MTO1: variants seen among roughly 807,000 people sequenced by gnomAD.
MTO1 encodes the protein mitochondrial tRNA translation optimization 1.
Under a neutral mutation model 71.6 loss-of-function variants are expected in MTO1, and 46 were observed. That is an observed-to-expected ratio of 0.64 (90% CI 0.51 to 0.82). The LOEUF (loss-of-function observed/expected upper bound fraction) is 0.82, where lower values mean the gene tolerates loss of function less well. Among genes scored for constraint, MTO1 ranks in the 40% least tolerant of loss-of-function variants. The pLI is 0.00. For synonymous variants in MTO1, 297 were observed against 312.1 expected (o/e 0.95, Z 0.51); for missense variants, 773 against 867.5 (o/e 0.89, Z 1.37).
rs369081569 is a variant in MTO1 at position 73,461,978 on chromosome 6, A to G, written c.124A>G (p.Ile42Val). Residue 42 changes from isoleucine to valine, a missense_variant, in exon 1 of 12, where the codon ATT becomes GTT. Ile to Val is a conservative substitution (Grantham distance 29, BLOSUM62 3). Transcript: ENST00000498286. ...PRTPHFDVIV[I>V]GGGHAGTEAA... ...GACTCCGCACTTCGACGTGATAGTC[A>G]TTGGTGGAGGACATGCCGGGACTGA... is the stretch of plus-strand genomic sequence containing the variant. 4 of 1,614,080 alleles carry G rather than the reference A, an allele frequency of 2.5e-6. No homozygotes were observed. The highest frequency in any genetic ancestry group is 1.3e-5 in the African/African-American group (1 of 74,942).
At chr6:73,469,178 A>AT (rs1771077833) in intron 3 of MTO1, among the ~76,000 whole-genome samples, 2 of 151,708 alleles carry the variant, frequency 1.3e-5, no homozygotes, top group African/African-American at 4.8e-5. Flanking sequence ...CTTATTTTCA[A>AT]TTTTTTTGGA....
At chr6:73,484,264 G>T (rs2150038495) in intron 9 of MTO1, among the ~76,000 whole-genome samples, 1 of 152,268 alleles carries the variant, frequency 6.6e-6, no homozygotes, top group South Asian at 2.1e-4. Flanking sequence ...CATTCAGACT[G>T]CTATAACAAA....
At chr6:73,481,274 A>T (rs1771485672) in intron 7 of MTO1, among the ~76,000 whole-genome samples, 1 of 152,090 alleles carries the variant, frequency 6.6e-6, no homozygotes, top group Non-Finnish European at 1.5e-5. Flanking sequence ...TTATTAAAAC[A>T]CTATGGCTTT....
In MTO1 at chr6:73,482,035, T is replaced by C. The variant is rs1275100093; in HGVS notation, c.1261-5T>C. The C allele has an allele frequency of 1.2e-6, 2 of 1,614,140 alleles. No homozygotes were observed. Among genetic ancestry groups the C allele is most frequent in the Non-Finnish European group, 1.7e-6 (2 of 1,180,016 alleles). On this transcript the variant is annotated splice_region_variant and splice_polypyrimidine_tract_variant and intron_variant, in intron 7 of 11. Coordinates refer to ENST00000498286, the MANE Select transcript of MTO1 (RefSeq NM_012123.4). The stretch of plus-strand genomic sequence containing the variant: ...GGCCTTTTAAACATTTCAGTGCTCT[T>C]GTAGGGTGTGATAGCCGGAATCAAC...
intron 1 of MTO1, chr6:73,462,272 T>C (rs920681475): frequency 2.9e-5 from 18 of 610,376 alleles, no homozygotes; most frequent in Non-Finnish European, 4.9e-5. Context: ...CTGCGAACCA[T>C]AGATTATGCT....
Position 73,473,393 on chromosome 6 carries a change from T to C in MTO1, c.564T>C (p.Ser188=). 1 of 1,613,928 alleles carries C rather than the reference T, an allele frequency of 6.2e-7. No individual in the cohort carries two copies. Among genetic ancestry groups the C allele is most frequent in the Admixed American group, 1.7e-5 (1 of 59,964 alleles). Residue 188 remains serine, a synonymous_variant, in exon 4 of 12, where the codon AGT becomes AGC. Coordinates refer to ENST00000498286, the MANE Select transcript of MTO1 (RefSeq NM_012123.4). The stretch of plus-strand genomic sequence containing the variant: ...ATGGAAGCACAGTATATGCAGAGAG[T>C]GTGATTCTGACTACTGGGACATTTC... ...LVDGSTVYAE[S]VILTTGTFLR... is the part of the protein sequence containing the mutation.
In MTO1 at chr6:73,473,476, A is replaced by C. The variant is rs1311006112; in HGVS notation, c.647A>C (p.Gln216Pro). ...CATCCAGCAGGACGTTTAGGGGATC[A>C]GCCTTCTATAGGATTGGCTCAGACA... Reference protein sequence around the residue: ...ETHPAGRLGDQPSIGLAQTLE... With the variant: ...ETHPAGRLGDPPSIGLAQTLE... The change falls in exon 4 of 12, where the codon CAG becomes CCG. Residue 216 changes from glutamine to proline, a missense_variant. By Grantham distance (76) the Gln-to-Pro change is moderately conservative. Coordinates refer to ENST00000498286, the MANE Select transcript of MTO1 (RefSeq NM_012123.4). 1.2e-6 allele frequency: 2 copies of C among 1,614,172 alleles called. No individual in the cohort carries two copies. Among genetic ancestry groups the C allele is most frequent in the East Asian group, 4.5e-5 (2 of 44,880 alleles).
intron 3 of MTO1, 70 bp downstream of exon 3, chr6:73,466,676 C>A: frequency 1.5e-6 from 2 of 1,372,466 alleles, no homozygotes; most frequent in Non-Finnish European, 2.1e-6. Flanking sequence ...TATTTTAGAG[C>A]AAAGTGTGGA....
At chr6:73,468,224 T>C (rs12524204) in intron 3 of MTO1, among the ~76,000 whole-genome samples, 29,058 of 151,618 alleles carry the variant, frequency 0.19, 2,836 homozygotes, top group Middle Eastern at 0.22. Flanking sequence ...TTCAAGCAAT[T>C]CTCCTGCCTC....
chr6:73,473,285 T>C (rs1401072522), intron 3 of MTO1, 80 bp from the exon 4 acceptor site: 4 of 1,349,930 alleles, frequency 3.0e-6, no homozygotes, highest in African/African-American at 3.0e-5. Context: ...CTCAGATAGA[T>C]AGATAGATAG....
intron 10 of MTO1, among the ~76,000 whole-genome samples, chr6:73,493,913 G>C (rs1771907977): frequency 6.6e-6 from 1 of 151,816 alleles, no homozygotes; most frequent in Non-Finnish European, 1.5e-5. Context: ...ATTTTTTTAA[G>C]TTTTTCATAA....
chr6:73,461,998 G>A lies in MTO1; in HGVS notation c.144G>A (p.Gly48=). Residue 48 remains glycine, a synonymous_variant, in exon 1 of 12, where the codon GGG becomes GGA. Coordinates refer to ENST00000498286, the MANE Select transcript of MTO1 (RefSeq NM_012123.4). ...TAGTCATTGGTGGAGGACATGCCGG[G>A]ACTGAGGCAGCCACCGCCGCCGCTC... is the stretch of plus-strand genomic sequence containing the variant. ...DVIVIGGGHA[G]TEAATAAARC... 2 of 1,613,948 alleles carry A rather than the reference G, an allele frequency of 1.2e-6. No individual in the cohort carries two copies. The highest frequency in any genetic ancestry group is 1.7e-6 in the Non-Finnish European group (2 of 1,179,964).
chr6:73,478,235 ACT>A (rs1203007454), intron 4 of MTO1, among the ~76,000 whole-genome samples: 1 of 145,436 alleles, frequency 6.9e-6, no homozygotes, highest in East Asian at 2.1e-4. Context: ...ACAGAGCAAG[ACT>A]CTGTCTCAAA....
chr6:73,466,570 CA>C lies in MTO1; in HGVS notation c.500del (p.His167ProfsTer23). ...DLILTEPEPEHTGKCRVSGVV... is the reference protein window; with the variant it reads ...DLILTEPEPEXTGKCRVSGVV... Reference sequence around the variant, plus strand: ...TATTCTTACAGAACCAGAGCCTGAACACACTGGGAAATGCCGTGTCAGTGGG... The same window carrying C: ...TATTCTTACAGAACCAGAGCCTGAACCACTGGGAAATGCCGTGTCAGTGGG... On this transcript the variant is annotated frameshift_variant, in exon 3 of 12. Coordinates refer to ENST00000498286, the MANE Select transcript of MTO1 (RefSeq NM_012123.4). LOFTEE classifies it high-confidence loss of function. 6.2e-7 allele frequency: 1 copy of C among 1,614,108 alleles called. No homozygotes were observed. Among genetic ancestry groups the C allele is most frequent in the Non-Finnish European group, 8.5e-7 (1 of 1,180,024 alleles).
intron 3 of MTO1, among the ~76,000 whole-genome samples, chr6:73,467,402 G>A (rs916370410): frequency 6.6e-6 from 1 of 152,142 alleles, no homozygotes; most frequent in South Asian, 2.1e-4. Context: ...ATCACCTGAG[G>A]TTGGGAGTTC....
intron 4 of MTO1, among the ~76,000 whole-genome samples, chr6:73,477,027 A>T (rs928325175): frequency 2.0e-5 from 3 of 151,698 alleles, no homozygotes; most frequent in Non-Finnish European, 4.4e-5. Context: ...TTCTTAAATG[A>T]TCTGCCCGCC....
At chr6:73,477,740 G>A (rs1771367489) in intron 4 of MTO1, among the ~76,000 whole-genome samples, 1 of 151,860 alleles carries the variant, frequency 6.6e-6, no homozygotes, top group Non-Finnish European at 1.5e-5. Flanking sequence ...CTCATGGACT[G>A]AAGGGATCTG....
intron 9 of MTO1, chr6:73,486,641 G>A (rs574322430): frequency 2.3e-6 from 1 of 428,256 alleles, no homozygotes; most frequent in African/African-American, 2.0e-5. Flanking sequence ...GGGAGGCAGA[G>A]GCAGGAGAAT....
intron 9 of MTO1, among the ~76,000 whole-genome samples, chr6:73,489,883 A>G (rs1771755972): frequency 6.6e-6 from 1 of 152,194 alleles, no homozygotes; most frequent in Non-Finnish European, 1.5e-5. Flanking sequence ...CACAATGGTT[A>G]AACTAGTTTA....
Sources: gnomAD v4.1 joint callset for allele counts (sites outside exome capture counted in the v4.1 genomes callset) on GRCh38, gnomAD v4.1.1 for gene constraint, MANE v1.5 for transcripts, NCBI Gene and HGNC (gene_info 2026-07-23, HGNC 2026-07-21) for gene names.